Variants in PACRG observed in about 807,000 individuals in gnomAD.
The protein encoded by PACRG is parkin coregulated.
PACRG carries 29 observed loss-of-function variants against 29.7 expected under a neutral mutation model. That is an observed-to-expected ratio of 0.98 (90% CI 0.73 to 1.33). The LOEUF (loss-of-function observed/expected upper bound fraction) is 1.33. PACRG is among the 40% of genes most tolerant of loss of function. The pLI is 0.00. For synonymous variants in PACRG, 116 were observed against 118.7 expected, an observed-to-expected ratio of 0.98 and a Z score of 0.15; for missense variants, 279 against 316.2, an observed-to-expected ratio of 0.88 and a Z score of 0.89.
intron 3 of PACRG, among the ~76,000 whole-genome samples, chr6:163,082,960 T>G (rs1437541633): frequency 6.6e-6 from 1 of 152,212 alleles, no homozygotes; most frequent in East Asian, 1.9e-4. Context: ...GTTAGCTGTT[T>G]TATGCATTTT....
chr6:162,759,128 C>T (rs992209073), intron 1 of PACRG, among the ~76,000 whole-genome samples: 1 of 152,158 alleles, frequency 6.6e-6, no homozygotes, highest in Non-Finnish European at 1.5e-5. Context: ...AGAAGCAGCT[C>T]CCTAGAACAC....
intron 2 of PACRG, chr6:163,016,123 G>A (rs1339251193): frequency 2.0e-5 from 3 of 152,216 alleles, no homozygotes; most frequent in Non-Finnish European, 4.4e-5. Context: ...AAGACGAGGT[G>A]TTCTCAAAGC....
At chr6:162,784,415 G>T (rs1784307699) in intron 1 of PACRG, among the ~76,000 whole-genome samples, 1 of 152,208 alleles carries the variant, frequency 6.6e-6, no homozygotes, top group African/African-American at 2.4e-5. Context: ...AGATAGAGCT[G>T]CAAGATGGAA....
At chr6:163,314,390 T>G (rs1785563168) in intron 4 of PACRG, among the ~76,000 whole-genome samples, 1 of 152,184 alleles carries the variant, frequency 6.6e-6, no homozygotes, top group Non-Finnish European at 1.5e-5. Flanking sequence ...GCAGCAGAGA[T>G]GCGGGTGGGG....
rs1462720470 is a variant in PACRG at position 163,146,679 on chromosome 6, T to TAC, written c.613+57273_613+57274dup. Among the ~76,000 whole-genome samples, 11 of 152,350 alleles carry TAC rather than the reference T, an allele frequency of 7.2e-5. No individual in the cohort carries two copies. The South Asian group carries it at 2.3e-3, about 32-fold the overall frequency. On this transcript the variant is annotated intron_variant, in intron 4 of 4. Coordinates refer to ENST00000366888, the MANE Select transcript of PACRG (RefSeq NM_001080379.2). ...AATAGTAATATGAATGGTTTCTGTT[T>TAC]ACATGGGGTGTTCAACCTCACTCCT...
At chr6:163,127,180 C>G (rs1371677123) in intron 4 of PACRG, among the ~76,000 whole-genome samples, 1 of 152,200 alleles carries the variant, frequency 6.6e-6, no homozygotes. Context: ...ATTTCCAGAG[C>G]TCTGCCCAGC....
intron 2 of PACRG, among the ~76,000 whole-genome samples, chr6:162,963,059 T>G (rs1800760194): frequency 6.6e-6 from 1 of 152,164 alleles, no homozygotes; most frequent in Non-Finnish European, 1.5e-5. Flanking sequence ...AAGATGAAGA[T>G]GTCTAGGAAA....
intron 4 of PACRG, among the ~76,000 whole-genome samples, chr6:163,163,489 C>G (rs191436744): frequency 7.2e-5 from 11 of 152,310 alleles, no homozygotes; most frequent in Admixed American, 5.9e-4. Context: ...CCAGGCTGGT[C>G]TCAAACTCCG....
intron 4 of PACRG, among the ~76,000 whole-genome samples, chr6:163,210,378 A>T (rs1210058011): frequency 6.6e-6 from 1 of 152,240 alleles, no homozygotes; most frequent in Non-Finnish European, 1.5e-5. Context: ...TCAACACAGT[A>T]AGTGTTGAAC....
intron 2 of PACRG, among the ~76,000 whole-genome samples, chr6:162,906,131 T>G (rs1795919500): frequency 6.6e-6 from 1 of 152,236 alleles, no homozygotes. Context: ...GATGTATTAA[T>G]TATTCATCTT....
At chr6:163,134,413 G>A (rs535261107) in intron 4 of PACRG, among the ~76,000 whole-genome samples, 2 of 152,134 alleles carry the variant, frequency 1.3e-5, no homozygotes, top group Admixed American at 6.6e-5. Flanking sequence ...TCCAATGGGC[G>A]TTGAAGAGAC....
At chr6:163,035,958 C>A (rs563714527) in intron 2 of PACRG, among the ~76,000 whole-genome samples, 2 of 152,194 alleles carry the variant, frequency 1.3e-5, no homozygotes, top group South Asian at 4.1e-4. Flanking sequence ...TTTGCCAGTA[C>A]ACCACTGGGA....
chr6:162,789,679 C>A (rs1417780295), intron 1 of PACRG, among the ~76,000 whole-genome samples: 2 of 152,080 alleles, frequency 1.3e-5, no homozygotes. Flanking sequence ...CTTTAATTAT[C>A]TTTCAATATA....
At chr6:162,990,045 A>G (rs1229540510) in intron 2 of PACRG, among the ~76,000 whole-genome samples, 1 of 150,290 alleles carries the variant, frequency 6.7e-6, no homozygotes, top group African/African-American at 2.4e-5. Flanking sequence ...AATTTCATCC[A>G]TGTCCCTACA....
intron 2 of PACRG, among the ~76,000 whole-genome samples, chr6:162,943,719 C>T (rs773122569): frequency 6.6e-6 from 1 of 152,148 alleles, no homozygotes; most frequent in Admixed American, 6.6e-5. Flanking sequence ...CTGCCCTGTG[C>T]ACCATAGGCA....
chr6:163,268,271 G>A (rs552584056), intron 4 of PACRG, among the ~76,000 whole-genome samples: 20 of 151,934 alleles, frequency 1.3e-4, no homozygotes, highest in African/African-American at 1.7e-4. Flanking sequence ...GCGTGGTGGC[G>A]GGCGCCTGTA....
intron 4 of PACRG, among the ~76,000 whole-genome samples, chr6:163,216,270 G>A (rs116770481): frequency 0.025 from 3,818 of 152,246 alleles, 169 homozygotes; most frequent in African/African-American, 0.087. Context: ...CCATAAAGCA[G>A]TGTCTGTCCC....
intron 4 of PACRG, among the ~76,000 whole-genome samples, chr6:163,241,830 C>A (rs1218995676): frequency 6.6e-6 from 1 of 152,114 alleles, no homozygotes; most frequent in African/African-American, 2.4e-5. Flanking sequence ...AAAGGGGGGG[C>A]ACGGGCTGGG....
intron 1 of PACRG, among the ~76,000 whole-genome samples, chr6:162,769,499 CT>C (rs1783049555): frequency 6.6e-6 from 1 of 152,014 alleles, no homozygotes; most frequent in African/African-American, 2.4e-5. Context: ...TAGGGCTCAG[CT>C]TTTTAAACCT....
Sources: allele counts gnomAD v4.1 joint callset (sites outside exome capture counted in the v4.1 genomes callset), GRCh38; gene constraint gnomAD v4.1.1; transcripts MANE v1.5; gene names NCBI Gene and HGNC (gene_info 2026-07-23, HGNC 2026-07-21).